ADGRV1: variants seen among roughly 807,000 people sequenced by gnomAD.
ADGRV1 encodes adhesion G protein-coupled receptor V1, also known as G-protein coupled receptor 98.
ADGRV1 carries 359 observed loss-of-function variants against 596.2 expected under a neutral mutation model. The ratio of observed to expected loss-of-function variants is 0.60; its 90% CI spans 0.55 to 0.66. ADGRV1 has a LOEUF of 0.66. ADGRV1 is among the 30% of genes least tolerant of loss of function. The pLI, the probability that ADGRV1 is intolerant of heterozygous loss-of-function variation, is 0.00. For missense variants in ADGRV1, 7,274 were observed against 7,575.6 expected, an observed-to-expected ratio of 0.96 and a Z score of 1.48; for synonymous variants, 2,681 against 2,679.2, an observed-to-expected ratio of 1.00 and a Z score of -0.02.
chr5:90,988,036 C>T (rs1291664584), intron 85 of ADGRV1, among the ~76,000 whole-genome samples: 1 of 152,128 alleles, frequency 6.6e-6, no homozygotes, highest in Non-Finnish European at 1.5e-5. Flanking sequence ...TTCAGTCTCC[C>T]TTTCTTCTCC....
intron 50 of ADGRV1, among the ~76,000 whole-genome samples, chr5:90,736,191 GT>G (rs1753195256): frequency 6.6e-6 from 1 of 151,404 alleles, no homozygotes; most frequent in Admixed American, 6.6e-5. Context: ...ATGAAAGGAT[GT>G]TGATTTTTTT....
rs577018661 is a variant in ADGRV1 at position 90,674,283 on chromosome 5, T to C, written c.5110+49T>C. ...AAATCCTCTCTTCTCTGGGTGTACT[T>C]AGTTTTGTTAAGAACTTCTTAAGGC... On this transcript the variant is annotated intron_variant, in intron 23 of 89. Coordinates refer to ENST00000405460, the MANE Select transcript of ADGRV1 (RefSeq NM_032119.4). 342 of 1,432,120 alleles carry C rather than the reference T, an allele frequency of 2.4e-4. 6 individuals are homozygous for C. The South Asian group carries it at 5.3e-3, about 22-fold the overall frequency. 88.7% of individuals were successfully genotyped at this position (1,432,120 alleles called of 1,614,324 possible).
At chr5:90,633,872 C>G (rs1765811829) in intron 9 of ADGRV1, among the ~76,000 whole-genome samples, 1 of 151,924 alleles carries the variant, frequency 6.6e-6, no homozygotes, top group African/African-American at 2.4e-5. Context: ...TTTTTTAAAG[C>G]AAAATGTGTG....
Position 90,789,745 on chromosome 5 carries a change from C to T in ADGRV1, c.13937C>T (p.Pro4646Leu). Residue 4646 changes from proline to leucine, a missense_variant, in exon 69 of 90, where the codon CCT (proline) becomes CTT (leucine). Around this residue, in one of 5 missense-constraint regions of ADGRV1, gnomAD observed 3,643 missense variants for 3,809.2 expected, o/e 0.96. Transcript: ENST00000405460. ...GDPNGVVQFA[P>L]ETLSKKTYSE... ...CCAAATGGAGTTGTTCAGTTTGCTC[C>T]TGAAACTTTGTCTAAGAAGACTTAT... The T allele has an allele frequency of 6.4e-7, 1 of 1,559,670 alleles. No individual in the cohort carries two copies. The highest frequency in any genetic ancestry group is 8.7e-7 in the Non-Finnish European group (1 of 1,149,358).
At chr5:90,923,630 CT>C (rs904919010) in intron 83 of ADGRV1, among the ~76,000 whole-genome samples, 17 of 151,138 alleles carry the variant, frequency 1.1e-4, no homozygotes, top group Admixed American at 2.6e-4. Context: ...GTTATTTGTT[CT>C]TTTTTTTTAT....
At chr5:90,800,724 A>G (rs1278583890) in intron 70 of ADGRV1, among the ~76,000 whole-genome samples, 2 of 152,200 alleles carry the variant, frequency 1.3e-5, no homozygotes, top group Admixed American at 6.5e-5. Context: ...CACATACACC[A>G]TGGAATGCTA....
chr5:90,635,901 C>T (rs1296640065), intron 10 of ADGRV1, among the ~76,000 whole-genome samples: 3 of 144,470 alleles, frequency 2.1e-5, no homozygotes, highest in Admixed American at 2.1e-4. Context: ...GGCCTATAAA[C>T]CTTTTTTTTT....
intron 14 of ADGRV1, among the ~76,000 whole-genome samples, chr5:90,644,471 A>G (rs1767442671): frequency 6.6e-6 from 1 of 152,226 alleles, no homozygotes; most frequent in Non-Finnish European, 1.5e-5. Flanking sequence ...ACTGACTTCT[A>G]AAATCCCAAA....
chr5:90,810,243 A>C lies in ADGRV1; in HGVS notation c.14983A>C (p.Ile4995Leu). 6.4e-7 allele frequency: 1 copy of C among 1,564,732 alleles called. No individual in the cohort carries two copies. Among genetic ancestry groups the C allele is most frequent in the Non-Finnish European group, 8.7e-7 (1 of 1,154,764 alleles). The stretch of plus-strand genomic sequence containing the variant: ...TAATTTTTTTCCCAGATCAGGTTTC[A>C]TTGTTGCTGAAATTGAACCAATGGG... ...PGGAQLRSGF[I>L]VAEIEPMGVF... The change falls in exon 74 of 90, where the codon ATT (isoleucine) becomes CTT (leucine). Residue 4995 changes from isoleucine (I) to leucine (L), a missense_variant. Physicochemically the swap from Ile to Leu is conservative, Grantham distance 5. This residue lies in a region of ADGRV1 where 1,874 missense variants were observed against 1,970.2 expected (regional missense o/e 0.95). Transcript: ENST00000405460.
At chr5:90,943,458 T>C (rs947778231) in intron 83 of ADGRV1, among the ~76,000 whole-genome samples, 2 of 152,084 alleles carry the variant, frequency 1.3e-5, no homozygotes, top group Non-Finnish European at 2.9e-5. Flanking sequence ...ACCTGCATAA[T>C]CTCTCTCTTC....
chr5:90,923,424 T>G (rs1040921810), intron 83 of ADGRV1, among the ~76,000 whole-genome samples: 1 of 152,006 alleles, frequency 6.6e-6, no homozygotes, highest in African/African-American at 2.4e-5. Flanking sequence ...TGTAAGTGTT[T>G]AAATATATAA....
intron 85 of ADGRV1, among the ~76,000 whole-genome samples, chr5:91,012,353 C>T (rs1305447599): frequency 6.6e-6 from 1 of 151,996 alleles, no homozygotes; most frequent in Admixed American, 6.6e-5. Context: ...TTTTCTTATA[C>T]CATTTATATT....
intron 83 of ADGRV1, among the ~76,000 whole-genome samples, chr5:90,949,269 A>G (rs972457979): frequency 2.0e-5 from 3 of 152,090 alleles, no homozygotes; most frequent in African/African-American, 7.2e-5. Context: ...CTATACCATG[A>G]TCTGGTTTGT....
At chr5:90,908,525 C>T (rs144462001) in intron 83 of ADGRV1, among the ~76,000 whole-genome samples, 324 of 152,276 alleles carry the variant, frequency 2.1e-3, no homozygotes, top group African/African-American at 7.5e-3. Flanking sequence ...TATTCTGATT[C>T]TTCATATTTC....
Position 90,778,533 on chromosome 5 carries a change from C to T in ADGRV1, c.12773C>T (p.Thr4258Met), listed in dbSNP as rs761153859. The T allele has an allele frequency of 2.1e-5, 34 of 1,612,568 alleles. No individual in the cohort carries two copies. The East Asian group carries it at 4.0e-4, about 19-fold the overall frequency. The change falls in exon 63 of 90, where the codon ACG becomes ATG. Residue 4258 changes from threonine (T) to methionine (M), a missense_variant. Physicochemically the swap from Thr to Met is moderately conservative, Grantham distance 81 (BLOSUM62 -1). Around this residue, in one of 5 missense-constraint regions of ADGRV1, gnomAD observed 3,643 missense variants for 3,809.2 expected, o/e 0.96. Transcript: ENST00000405460. ...LSESSSTANI[T>M]VVASDSPYGR... Reference sequence around the variant, plus strand: ...GAATCCAGCAGCACTGCCAACATCACGGTGGTGGCCAGCGACTCTCCCTAT... The same window carrying T: ...GAATCCAGCAGCACTGCCAACATCATGGTGGTGGCCAGCGACTCTCCCTAT...
At chr5:90,967,935 T>C (rs1285613213) in intron 84 of ADGRV1, among the ~76,000 whole-genome samples, 1 of 152,172 alleles carries the variant, frequency 6.6e-6, no homozygotes, top group African/African-American at 2.4e-5. Context: ...AGCAGACATG[T>C]TTACGTTGTA....
chr5:90,703,864 A>G, intron 35 of ADGRV1, 69 bp downstream of exon 35: 1 of 1,124,682 alleles, frequency 8.9e-7, no homozygotes, highest in Non-Finnish European at 1.3e-6. Context: ...AAAATGGGAT[A>G]GAAAAGCAGC....
At chr5:90,631,079 C>G (rs1765439117) in intron 9 of ADGRV1, among the ~76,000 whole-genome samples, 2 of 152,002 alleles carry the variant, frequency 1.3e-5, no homozygotes, top group African/African-American at 4.8e-5. Flanking sequence ...AAATTTTATA[C>G]TCATATTGAT....
chr5:91,029,441 A>G (rs1339359761), intron 85 of ADGRV1, among the ~76,000 whole-genome samples: 2 of 152,324 alleles, frequency 1.3e-5, no homozygotes, highest in Middle Eastern at 3.4e-3. Flanking sequence ...AGTTCAATGA[A>G]CACATTTCCA....
Sources: allele counts gnomAD v4.1 joint callset (sites outside exome capture counted in the v4.1 genomes callset), GRCh38; gene constraint gnomAD v4.1.1; regional missense constraint gnomAD v4.1.1; transcripts MANE v1.5; gene names NCBI Gene and HGNC (gene_info 2026-07-23, HGNC 2026-07-21).